LDHB: variants seen among roughly 807,000 people sequenced by gnomAD.
The protein encoded by LDHB is lactate dehydrogenase B.
LDHB carries 18 observed loss-of-function variants against 33.4 expected under a neutral mutation model. The observed-to-expected ratio is 0.54, with a 90% CI of 0.37 to 0.80. LDHB has a LOEUF of 0.80. Among genes scored for constraint, LDHB ranks in the 30% least tolerant of loss-of-function variants. LDHB has a pLI of 0.00. For synonymous variants in LDHB, 121 were observed against 140.6 expected (o/e 0.86, Z 0.98); for missense variants, 345 against 407.9 (o/e 0.85, Z 1.33).
intron 3 of LDHB, among the ~76,000 whole-genome samples, chr12:21,646,413 G>A (rs997284769): frequency 2.0e-5 from 3 of 152,210 alleles, no homozygotes; most frequent in South Asian, 2.1e-4. Flanking sequence ...ATGGGAAAAT[G>A]TCAATTTGCT....
In LDHB at chr12:21,635,446, T is replaced by G; in HGVS notation, c.*96A>C. 3 of 1,045,794 alleles carry G rather than the reference T, an allele frequency of 2.9e-6. No homozygotes were observed. The South Asian group carries it at 3.8e-5, about 13-fold the overall frequency. The allele number at this position is 1,045,794 out of a possible 1,614,324, so 64.8% of individuals were successfully genotyped here. On this transcript the variant is annotated 3_prime_UTR_variant, in exon 8 of 8. Transcript: ENST00000350669. ...GCCCAAATTCACATATTGAAGAAGA[T>G]CAAAGCAAACTGTGATCCATGTACA...
At chr12:21,636,363 A>G (rs1938216892) in intron 7 of LDHB, among the ~76,000 whole-genome samples, 1 of 151,412 alleles carries the variant, frequency 6.6e-6, no homozygotes, top group African/African-American at 2.4e-5. Flanking sequence ...AAAAAAAAAT[A>G]CAATTTCCAA....
At chr12:21,638,254 T>A (rs751883420) in intron 6 of LDHB, 99 bp downstream of exon 6, 8 of 767,826 alleles carry the variant, frequency 1.0e-5, no homozygotes, top group Non-Finnish European at 1.9e-5. Context: ...AATTACTACA[T>A]TAAGAGTTTA....
At chr12:21,650,145 CACACACG>C (rs1565629872) in intron 2 of LDHB, among the ~76,000 whole-genome samples, 87 of 145,950 alleles carry the variant, frequency 6.0e-4, no homozygotes, top group African/African-American at 1.9e-3. Context: ...CACACACACA[CACACACG>C]TCTCTCTCTC....
At chr12:21,650,105 T>TATACACACACACAC (rs1555165527) in intron 2 of LDHB, among the ~76,000 whole-genome samples, 3 of 30,976 alleles carry the variant, frequency 9.7e-5, no homozygotes, top group South Asian at 2.3e-3. Flanking sequence ...AGAAAAAAAA[T>TATACACACACACAC]ACACACACAC....
chr12:21,642,442 A>C (rs1248795739), intron 4 of LDHB, among the ~76,000 whole-genome samples: 1 of 152,198 alleles, frequency 6.6e-6, no homozygotes, highest in Non-Finnish European at 1.5e-5. Context: ...TGAAAAAAAC[A>C]AAACAGGTTG....
intron 5 of LDHB, among the ~76,000 whole-genome samples, chr12:21,639,129 A>G (rs1254142490): frequency 6.6e-6 from 1 of 151,916 alleles, no homozygotes; most frequent in African/African-American, 2.4e-5. Context: ...GGGAAAAGCT[A>G]TTTAAAGCCA....
At chr12:21,650,144 A>AT (rs1565629865) in intron 2 of LDHB, among the ~76,000 whole-genome samples, 87 of 148,232 alleles carry the variant, frequency 5.9e-4, no homozygotes, top group African/African-American at 1.9e-3. Flanking sequence ...ACACACACAC[A>AT]CACACACGTC....
At chr12:21,645,623 C>T (rs1259251663) in intron 3 of LDHB, among the ~76,000 whole-genome samples, 3 of 152,138 alleles carry the variant, frequency 2.0e-5, no homozygotes, top group African/African-American at 7.2e-5. Context: ...ATCAAAAGCA[C>T]AGCACTTTTT....
At chr12:21,647,935 G>T (rs931348250) in intron 2 of LDHB, among the ~76,000 whole-genome samples, 1 of 151,958 alleles carries the variant, frequency 6.6e-6, no homozygotes, top group African/African-American at 2.4e-5. Flanking sequence ...GACCTCAGTT[G>T]ATCCACCCGC....
In LDHB at chr12:21,642,111, A is replaced by G; in HGVS notation, c.436T>C (p.Tyr146His). 6.2e-7 allele frequency: 1 copy of G among 1,612,836 alleles called. No homozygotes were observed. The highest frequency in any genetic ancestry group is 8.5e-7 in the Non-Finnish European group (1 of 1,178,984). ...AATCCACTTAGTTTCCAGGTAACAT[A>G]CGTAAGAATGTCCACTAAAAATTTT... The part of the protein sequence containing the change: ...VVSNPVDILT[Y>H]VTWKLSGLPK... The change falls in exon 5 of 8, where the codon TAT becomes CAT. Residue 146 changes from tyrosine to histidine, a missense_variant. Coordinates refer to ENST00000350669, the MANE Select transcript of LDHB (RefSeq NM_002300.8).
At chr12:21,653,504 A>C (rs1677080) in intron 2 of LDHB, among the ~76,000 whole-genome samples, 2 of 152,128 alleles carry the variant, frequency 1.3e-5, no homozygotes, top group Non-Finnish European at 2.9e-5. Flanking sequence ...TCTAAAGGAC[A>C]TGTAAGTAAA....
intron 2 of LDHB, among the ~76,000 whole-genome samples, chr12:21,652,029 G>T (rs1197203786): frequency 2.6e-5 from 4 of 152,170 alleles, no homozygotes; most frequent in Admixed American, 1.3e-4. Flanking sequence ...TCAAGCCCTT[G>T]AGTTGAGCCA....
intron 2 of LDHB, among the ~76,000 whole-genome samples, chr12:21,651,152 T>A (rs946295349): frequency 2.0e-5 from 3 of 152,202 alleles, no homozygotes; most frequent in African/African-American, 7.2e-5. Context: ...TCAGAGATGG[T>A]ACCATCATGT....
rs528486589 is a variant in LDHB at position 21,639,623 on chromosome 12, A to G, written c.596-1153T>C. Among the ~76,000 whole-genome samples, 8 of 152,184 alleles carry G rather than the reference A, an allele frequency of 5.3e-5. No homozygotes were observed. The South Asian group carries it at 1.4e-3, about 28-fold the overall frequency. Reference sequence around the variant, plus strand: ...TGACATTGTACTAAGTACTTTTTACATAGTACATAGGTGGCATAATTATCT... The same window carrying G: ...TGACATTGTACTAAGTACTTTTTACGTAGTACATAGGTGGCATAATTATCT... On this transcript the variant is annotated intron_variant, in intron 5 of 7. Transcript: ENST00000350669.
At chr12:21,650,867 C>G (rs1353058768) in intron 2 of LDHB, among the ~76,000 whole-genome samples, 2 of 152,218 alleles carry the variant, frequency 1.3e-5, no homozygotes, top group Admixed American at 6.5e-5. Flanking sequence ...ATTAAACAAA[C>G]AACAAATCAG....
At chr12:21,653,560 T>C (rs1367680207) in intron 2 of LDHB, among the ~76,000 whole-genome samples, 2 of 152,202 alleles carry the variant, frequency 1.3e-5, no homozygotes, top group Non-Finnish European at 2.9e-5. Flanking sequence ...CAGCCATCTA[T>C]AGATAGATAT....
Position 21,638,478 on chromosome 12 carries a change from A to T in LDHB, c.596-8T>A, listed in dbSNP as rs566056183. 5.6e-4 allele frequency: 73 copies of T among 129,442 alleles called. No individual in the cohort carries two copies. The highest frequency in any genetic ancestry group is 3.4e-3 in the Middle Eastern group (2 of 594). 8.0% of individuals were successfully genotyped at this position (129,442 alleles called of 1,614,324 possible). The stretch of plus-strand genomic sequence containing the variant: ...CACCACTCCACACAGCCACTGTTTA[A>T]AAAAAAAAAAAAAGACATTGCAGTT... On this transcript the variant is annotated splice_region_variant and splice_polypyrimidine_tract_variant and intron_variant, in intron 5 of 7. Coordinates refer to ENST00000350669, the MANE Select transcript of LDHB (RefSeq NM_002300.8).
At chr12:21,635,912 C>T (rs1003260324) in intron 7 of LDHB, among the ~76,000 whole-genome samples, 5 of 151,898 alleles carry the variant, frequency 3.3e-5, no homozygotes, top group Non-Finnish European at 5.9e-5. Flanking sequence ...ATCAAAGGTC[C>T]GATGTTCCAA....
Sources: gnomAD v4.1 joint callset for allele counts (sites outside exome capture counted in the v4.1 genomes callset) on GRCh38, gnomAD v4.1.1 for gene constraint, MANE v1.5 for transcripts, NCBI Gene and HGNC (gene_info 2026-07-23, HGNC 2026-07-21) for gene names.